GPR39: variants seen among roughly 807,000 people sequenced by gnomAD.
GPR39 encodes zinc sensing receptor.
GPR39 carries 23 observed loss-of-function variants against 18.4 expected under a neutral mutation model. The observed-to-expected ratio is 1.25, with a 90% CI of 0.90 to 1.77. The LOEUF (loss-of-function observed/expected upper bound fraction) is 1.77. Ranked by LOEUF, GPR39 falls within the 40% of genes most tolerant of loss-of-function variation. The pLI is 0.00. For missense variants in GPR39, 647 were observed against 602.4 expected (o/e 1.07, Z -0.78); for synonymous variants, 280 against 257.9 (o/e 1.09, Z -0.82).
intron 1 of GPR39, among the ~76,000 whole-genome samples, chr2:132,552,137 C>T (rs1012560090): frequency 6.6e-6 from 1 of 152,108 alleles, no homozygotes; most frequent in Non-Finnish European, 1.5e-5. Context: ...TTCCTTGACA[C>T]AGTATGGCAT....
intron 1 of GPR39, among the ~76,000 whole-genome samples, chr2:132,605,162 C>A (rs1017159564): frequency 2.6e-5 from 4 of 152,170 alleles, no homozygotes; most frequent in Non-Finnish European, 4.4e-5. Flanking sequence ...CGACACCAGA[C>A]CCTGTGCCTA....
At chr2:132,473,583 A>G (rs888664504) in intron 1 of GPR39, among the ~76,000 whole-genome samples, 1 of 152,200 alleles carries the variant, frequency 6.6e-6, no homozygotes, top group African/African-American at 2.4e-5. Context: ...TTATCAACTC[A>G]GTAGCAATAT....
At chr2:132,420,096 G>A (rs376944104) in intron 1 of GPR39, among the ~76,000 whole-genome samples, 9 of 152,174 alleles carry the variant, frequency 5.9e-5, no homozygotes, top group African/African-American at 7.2e-5. Context: ...TGCTGCTCTC[G>A]TTCTTTTCTT....
rs944688999 is a variant in GPR39 at position 132,645,689 on chromosome 2, G to T, written c.*83G>T. 7.3e-6 allele frequency: 11 copies of T among 1,512,836 alleles called. No homozygotes were observed. Among genetic ancestry groups the T allele is most frequent in the Admixed American group, 2.1e-5 (1 of 47,286 alleles). The allele number at this position is 1,512,836 out of a possible 1,614,324, so 93.7% of individuals were successfully genotyped here. A position where few individuals can be genotyped will look rare whatever the true frequency, so the allele number is the denominator to read the frequency against. On this transcript the variant is annotated 3_prime_UTR_variant, in exon 2 of 2. Transcript: ENST00000329321. Reference sequence around the variant, plus strand: ...CTCTCACTCTGCAGTCTCAAACTATGCCCCCATCAGGGATGGAATGGACAC... The same window carrying T: ...CTCTCACTCTGCAGTCTCAAACTATTCCCCCATCAGGGATGGAATGGACAC...
At chr2:132,573,013 G>C (rs1397262565) in intron 1 of GPR39, among the ~76,000 whole-genome samples, 1 of 152,148 alleles carries the variant, frequency 6.6e-6, no homozygotes, top group Non-Finnish European at 1.5e-5. Context: ...ACACATGGGT[G>C]CCCATTGTGG....
At position 132,553,848 on chromosome 2, in the gene GPR39, T is replaced by C. The variant is rs79920518; in HGVS notation, c.857-91253T>C. Among the ~76,000 whole-genome samples the C allele has an allele frequency of 6.2e-3, 940 of 152,192 alleles. 8 individuals are homozygous for C. The highest frequency in any genetic ancestry group is 0.021 in the African/African-American group (886 of 41,526). On this transcript the variant is annotated intron_variant, in intron 1 of 1. Transcript: ENST00000329321. ...CTTGACCCAGTGAGCATGAGTCCTTTACTCTGCCTGAAAAAAACACCACCA... is the reference window on the plus strand; with the variant it reads ...CTTGACCCAGTGAGCATGAGTCCTTCACTCTGCCTGAAAAAAACACCACCA...
At chr2:132,532,523 C>G (rs1322786627) in intron 1 of GPR39, among the ~76,000 whole-genome samples, 2 of 152,074 alleles carry the variant, frequency 1.3e-5, no homozygotes, top group Non-Finnish European at 2.9e-5. Flanking sequence ...GATACCAAAG[C>G]CTGGCAGAGA....
At chr2:132,433,139 A>G (rs1462493965) in intron 1 of GPR39, among the ~76,000 whole-genome samples, 1 of 152,218 alleles carries the variant, frequency 6.6e-6, no homozygotes, top group Non-Finnish European at 1.5e-5. Flanking sequence ...ATTCTTGCCT[A>G]TTTTATTATT....
intron 1 of GPR39, among the ~76,000 whole-genome samples, chr2:132,544,223 C>A (rs1679905153): frequency 6.6e-6 from 1 of 152,228 alleles, no homozygotes; most frequent in African/African-American, 2.4e-5. Context: ...ACTGTTGTTA[C>A]TATCTTCCTG....
At chr2:132,469,151 G>T (rs1188649101) in intron 1 of GPR39, among the ~76,000 whole-genome samples, 1 of 152,168 alleles carries the variant, frequency 6.6e-6, no homozygotes, top group Non-Finnish European at 1.5e-5. Flanking sequence ...CTTGGGTGGA[G>T]CCTCCTCTTG....
chr2:132,478,537 C>G (rs913417690), intron 1 of GPR39, among the ~76,000 whole-genome samples: 1 of 152,148 alleles, frequency 6.6e-6, no homozygotes, highest in Non-Finnish European at 1.5e-5. Context: ...ATCAATACTA[C>G]GTAACAAGAA....
intron 1 of GPR39, among the ~76,000 whole-genome samples, chr2:132,607,575 T>G (rs1053571715): frequency 6.6e-6 from 1 of 152,154 alleles, no homozygotes; most frequent in African/African-American, 2.4e-5. Flanking sequence ...TAAAGTTATC[T>G]TTGACGTCTG....
chr2:132,603,712 G>T (rs561167425), intron 1 of GPR39, among the ~76,000 whole-genome samples: 1 of 152,166 alleles, frequency 6.6e-6, no homozygotes, highest in Non-Finnish European at 1.5e-5. Context: ...TTGTGGGCGT[G>T]CGTGTGCGAA....
chr2:132,485,543 G>A (rs894444534), intron 1 of GPR39, among the ~76,000 whole-genome samples: 1 of 152,196 alleles, frequency 6.6e-6, no homozygotes, highest in Non-Finnish European at 1.5e-5. Flanking sequence ...TATCAACTAA[G>A]TCTAAGTAAT....
intron 1 of GPR39, among the ~76,000 whole-genome samples, chr2:132,602,814 T>A: frequency 1.6e-5 from 2 of 126,136 alleles, no homozygotes; most frequent in African/African-American, 3.0e-5. Context: ...ATCAGGGAAA[T>A]ACAAACCAAA....
chr2:132,512,335 G>A (rs576264268), intron 1 of GPR39, among the ~76,000 whole-genome samples: 1 of 152,254 alleles, frequency 6.6e-6, no homozygotes, highest in South Asian at 2.1e-4. Context: ...AAAGTTTAAG[G>A]GATTCTGAAA....
intron 1 of GPR39, among the ~76,000 whole-genome samples, chr2:132,623,621 T>C (rs1175721503): frequency 6.6e-6 from 1 of 152,224 alleles, no homozygotes; most frequent in Non-Finnish European, 1.5e-5. Flanking sequence ...CCTCACTAAC[T>C]AGCTGTGTGG....
At chr2:132,565,279 C>A (rs1680329119) in intron 1 of GPR39, among the ~76,000 whole-genome samples, 1 of 152,096 alleles carries the variant, frequency 6.6e-6, no homozygotes, top group Non-Finnish European at 1.5e-5. Flanking sequence ...AGCAGAAGGA[C>A]ACTCATAGTG....
chr2:132,623,917 C>T (rs556895266), intron 1 of GPR39, among the ~76,000 whole-genome samples: 2 of 152,122 alleles, frequency 1.3e-5, no homozygotes, highest in East Asian at 1.9e-4. Flanking sequence ...AGGAGCAGCC[C>T]ACTCCCTTGA....
Sources: gnomAD v4.1 joint callset for allele counts (sites outside exome capture counted in the v4.1 genomes callset) on GRCh38, gnomAD v4.1.1 for gene constraint, MANE v1.5 for transcripts, NCBI Gene and HGNC (gene_info 2026-07-23, HGNC 2026-07-21) for gene names.